The following KLC1 variants were observed in gnomAD, a reference collection of about 807,000 sequenced individuals.
The protein encoded by KLC1 is kinesin 2 60/70kDa.
KLC1 carries 30 observed loss-of-function variants against 84.2 expected under a neutral mutation model. The observed-to-expected ratio is 0.36, with a 90% confidence interval of 0.27 to 0.48. The LOEUF (loss-of-function observed/expected upper bound fraction) is 0.48. KLC1 is among the 20% of genes least tolerant of loss of function. The pLI is 0.99. For synonymous variants in KLC1, 289 were observed against 293.3 expected (o/e 0.99, Z 0.15); for missense variants, 499 against 805.4 (o/e 0.62, Z 4.60).
intron 15 of KLC1, chr14:103,696,178 G>C: frequency 1.0e-6 from 1 of 984,006 alleles, no homozygotes; most frequent in Non-Finnish European, 1.2e-6. Flanking sequence ...TGGATCTGTG[G>C]GCGGACAGCA....
chr14:103,650,192 CAG>C (rs775982003), intron 1 of KLC1, among the ~76,000 whole-genome samples: 25 of 148,882 alleles, frequency 1.7e-4, no homozygotes, highest in Non-Finnish European at 2.7e-4. Context: ...GTGTGTCAGT[CAG>C]AGGGAAAGAG....
At chr14:103,639,466 A>G (rs1366163660) in intron 1 of KLC1, among the ~76,000 whole-genome samples, 1 of 151,544 alleles carries the variant, frequency 6.6e-6, no homozygotes, top group African/African-American at 2.4e-5. Context: ...TTTTTGTGAC[A>G]GGGTTTCGCT....
rs1156725325 is a variant in KLC1 at position 103,693,439 on chromosome 14, G to GTGC, written c.1848+1015_1848+1017dup. On this transcript the variant is annotated intron_variant, in intron 15 of 16. Transcript: ENST00000334553. This position sits in a 1 kb window ranked among gnomAD's most constrained non-coding sequence, Gnocchi z 5.1. ...GCACATTGACCCCTGGGCCTCTCGA[G>GTGC]TGCCAACCTAGATTTAGCTGTGCAG... is the stretch of plus-strand genomic sequence containing the variant. The GTGC allele has an allele frequency of 1.3e-6, 2 of 1,496,674 alleles. No individual in the cohort carries two copies. The highest frequency in any genetic ancestry group is 1.8e-6 in the Non-Finnish European group (2 of 1,124,090). The allele number at this position is 1,496,674 out of a possible 1,614,324, so 92.7% of individuals were successfully genotyped here. A position where few individuals can be genotyped will look rare whatever the true frequency, so the allele number is the denominator to read the frequency against.
intron 1 of KLC1, among the ~76,000 whole-genome samples, chr14:103,639,921 A>G (rs2077357516): frequency 6.6e-6 from 1 of 151,110 alleles, no homozygotes; most frequent in African/African-American, 2.4e-5. Context: ...CACCCAGCTA[A>G]TTTTGGTATT....
intron 15 of KLC1, chr14:103,695,004 G>A (rs553400453): frequency 3.3e-5 from 33 of 985,300 alleles, no homozygotes; most frequent in East Asian, 1.1e-4. Context: ...CGAGCTGCTC[G>A]CCTGTGGCCG....
At chr14:103,675,385 C>T (rs993484037) in intron 9 of KLC1, among the ~76,000 whole-genome samples, 167 bp from the exon 10 acceptor site, 1 of 152,134 alleles carries the variant, frequency 6.6e-6, no homozygotes, top group Non-Finnish European at 1.5e-5. Context: ...GCTCTGTTAT[C>T]CTTCATTTAT....
intron 1 of KLC1, among the ~76,000 whole-genome samples, chr14:103,631,084 ATT>A (rs370301801): frequency 5.6e-5 from 8 of 143,816 alleles, no homozygotes; most frequent in Admixed American, 7.0e-5. Context: ...AAACTTACAC[ATT>A]TTTTTTTTTT....
At chr14:103,695,421 AAG>A (rs893873332) in intron 15 of KLC1, 3 of 984,602 alleles carry the variant, frequency 3.0e-6, no homozygotes, top group Non-Finnish European at 3.6e-6. Context: ...CCCCCAAAAA[AAG>A]GGGGGTGTAG....
chr14:103,660,792 GA>G (rs1029871712), intron 3 of KLC1, among the ~76,000 whole-genome samples: 3 of 151,168 alleles, frequency 2.0e-5, no homozygotes, highest in Non-Finnish European at 4.4e-5. Flanking sequence ...CCCTGTCTCA[GA>G]AAAACAAGCA....
At chr14:103,629,719 CG>C (rs1049299315) in intron 1 of KLC1, among the ~76,000 whole-genome samples, 65 of 152,130 alleles carry the variant, frequency 4.3e-4, no homozygotes, top group Non-Finnish European at 1.2e-4. Flanking sequence ...TTCTTGTCCC[CG>C]GCCCTTTTGC....
chr14:103,700,665 GCC>G lies in KLC1; in HGVS notation c.1860_1861del (p.Arg621SerfsTer68). 6.2e-7 allele frequency: 1 copy of G among 1,607,562 alleles called. No individual in the cohort carries two copies. The highest frequency in any genetic ancestry group is 2.3e-5 in the East Asian group (1 of 44,354). On this transcript the variant is annotated frameshift_variant, in exon 16 of 17. Transcript: ENST00000334553. LOFTEE classifies it high-confidence loss of function. Reference sequence around the variant, plus strand: ...GTGCTTCATCTCCAGGGCGTCTCTGGCCGAGCCTCTTTTTGTGGAAAACGACA... The same window carrying G: ...GTGCTTCATCTCCAGGGCGTCTCTGGGAGCCTCTTTTTGTGGAAAACGACA...
intron 9 of KLC1, 150 bp from the exon 10 acceptor site, chr14:103,675,402 G>A (rs1316063706): frequency 1.6e-6 from 1 of 621,122 alleles, no homozygotes; most frequent in Admixed American, 3.0e-5. Context: ...TTATAGTACA[G>A]GTTAAATATC....
chr14:103,700,017 T>C (rs1046229635), intron 15 of KLC1: 16 of 272,708 alleles, frequency 5.9e-5, no homozygotes, highest in African/African-American at 3.3e-4. Context: ...CTGGCCACAG[T>C]GCCACCAAAG....
At position 103,694,668 on chromosome 14, in the gene KLC1, G is replaced by A. The variant is rs2082319204; in HGVS notation, c.1848+2243G>A. On this transcript the variant is annotated intron_variant, in intron 15 of 16. Coordinates refer to ENST00000334553, the MANE Select transcript of KLC1 (RefSeq NM_001394837.1). The surrounding 1 kb of genome is among the most constrained non-coding windows in gnomAD (Gnocchi z 4.5). ...ATGCCAGCCAACTAGGCTACGGGAT[G>A]GAGGGGCGGTCTGTGAAACACCAGC... 1.0e-6 allele frequency: 1 copy of A among 985,384 alleles called. No individual in the cohort carries two copies. The highest frequency in any genetic ancestry group is 1.7e-5 in the African/African-American group (1 of 57,260). 61.0% of individuals were successfully genotyped at this position (985,384 alleles called of 1,614,324 possible).
chr14:103,657,959 CCCCGAGGTCTGT>C (rs2078948235), intron 3 of KLC1, among the ~76,000 whole-genome samples, 183 bp downstream of exon 3: 5 of 152,204 alleles, frequency 3.3e-5, no homozygotes, highest in Non-Finnish European at 7.3e-5. Flanking sequence ...ACAAGGTCTG[CCCCGAGGTCTGT>C]CCCGAGGTCT....
At position 103,673,355 on chromosome 14, in the gene KLC1, A is replaced by C; in HGVS notation, c.1185A>C (p.Gly395=). ...NNLASCYLKQ[G]KFKQAETLYK... ...AGGCATCCTGCTATTTGAAACAAGG[A>C]AAGTTCAAGCAAGCAGAAACACTGT... The change falls in exon 9 of 17, where the codon GGA becomes GGC. Residue 395 remains glycine, a synonymous_variant. Coordinates refer to ENST00000334553, the MANE Select transcript of KLC1 (RefSeq NM_001394837.1). 2 of 1,603,002 alleles carry C rather than the reference A, an allele frequency of 1.2e-6. No homozygotes were observed. The highest frequency in any genetic ancestry group is 1.7e-6 in the Non-Finnish European group (2 of 1,176,866).
intron 1 of KLC1, among the ~76,000 whole-genome samples, chr14:103,641,923 A>G (rs1198528396): frequency 1.3e-5 from 2 of 151,520 alleles, no homozygotes; most frequent in African/African-American, 4.9e-5. Flanking sequence ...TACTCTGCCT[A>G]GGTTCCCTTT....
intron 14 of KLC1, among the ~76,000 whole-genome samples, chr14:103,689,613 T>C (rs970838668): frequency 3.3e-5 from 5 of 152,222 alleles, no homozygotes; most frequent in Non-Finnish European, 7.3e-5. Context: ...TTCCAATTCC[T>C]GAGTCCCTGA....
chr14:103,653,240 C>G (rs1430487385), intron 1 of KLC1, among the ~76,000 whole-genome samples: 1 of 152,196 alleles, frequency 6.6e-6, no homozygotes, highest in African/African-American at 2.4e-5. Context: ...AATTCCTGGA[C>G]TCAAGCGATC....
Sources: allele counts gnomAD v4.1 joint callset (sites outside exome capture counted in the v4.1 genomes callset), GRCh38; gene constraint gnomAD v4.1.1; non-coding constraint Gnocchi (gnomAD v3.1); transcripts MANE v1.5; gene names NCBI Gene and HGNC (gene_info 2026-07-23, HGNC 2026-07-21).